The following NETO2 variants were observed in gnomAD, a reference collection of about 807,000 sequenced individuals.
NETO2 encodes neuropilin and tolloid like 2, also known as neuropilin and tolloid-like protein 2.
In NETO2, 28 loss-of-function variants were observed where a neutral mutation model predicts 62.5. That is an observed-to-expected ratio of 0.45 (90% CI 0.33 to 0.61). The LOEUF is 0.61. NETO2 is among the 20% of genes least tolerant of loss of function. NETO2 has a pLI of 0.02. For missense variants in NETO2, 548 were observed against 643.2 expected, an observed-to-expected ratio of 0.85 and a Z score of 1.60; for synonymous variants, 214 against 219.1, an observed-to-expected ratio of 0.98 and a Z score of 0.21.
intron 1 of NETO2, among the ~76,000 whole-genome samples, chr16:47,142,302 G>A (rs1463640333): frequency 6.6e-6 from 1 of 152,136 alleles, no homozygotes; most frequent in Non-Finnish European, 1.5e-5. Flanking sequence ...AAAGTCCTAG[G>A]TTACCTTAGT....
chr16:47,109,758 T>C, intron 6 of NETO2, 47 bp from the exon 7 acceptor site: 1 of 1,366,140 alleles, frequency 7.3e-7, no homozygotes, highest in Non-Finnish European at 1.0e-6. Flanking sequence ...ATATATTAAT[T>C]TGAATTTTTC....
chr16:47,105,047 TA>T (rs1963643026), intron 7 of NETO2, among the ~76,000 whole-genome samples: 1 of 151,684 alleles, frequency 6.6e-6, no homozygotes, highest in African/African-American at 2.4e-5. Context: ...TTTACTTTTT[TA>T]AAGAAAAATA....
Position 47,131,904 on chromosome 16 carries a change from A to G in NETO2, c.91+65T>C. 5 of 1,353,314 alleles carry G rather than the reference A, an allele frequency of 3.7e-6. No homozygotes were observed. In the South Asian group the frequency reaches 5.9e-5, roughly 16 times the overall value. The allele number at this position is 1,353,314 out of a possible 1,614,324, so 83.8% of individuals were successfully genotyped here. A position where few individuals can be genotyped will look rare whatever the true frequency, so the allele number is the denominator to read the frequency against. ...ATGAAAATAGTACCCAAAAGTTGCA[A>G]TCCTTTCAAATAAGCCAGTCCATTG... On this transcript the variant is annotated intron_variant, in intron 2 of 8. Transcript: ENST00000562435.
intron 6 of NETO2, among the ~76,000 whole-genome samples, chr16:47,118,448 T>TCTAGTTCCTC (rs1963966956): frequency 6.6e-6 from 1 of 152,184 alleles, no homozygotes; most frequent in South Asian, 2.1e-4. Context: ...GTCTCCTCTA[T>TCTAGTTCCTC]CTAGTTCCTC....
chr16:47,081,541 A>G lies in NETO2; in HGVS notation c.*1680T>C, dbSNP rs1963060822. 1 of 152,614 alleles carries G rather than the reference A, an allele frequency of 6.6e-6. No homozygotes were observed. Among genetic ancestry groups the G allele is most frequent in the Non-Finnish European group, 1.5e-5 (1 of 67,992 alleles). 9.5% of individuals were successfully genotyped at this position (152,614 alleles called of 1,614,324 possible). On this transcript the variant is annotated 3_prime_UTR_variant, in exon 9 of 9. Transcript: ENST00000562435. ...ATACAAGAAAGCACTCTGAGGCAGTATATGTGTATTAAATTTAAGGTCACA... is the reference window on the plus strand; with the variant it reads ...ATACAAGAAAGCACTCTGAGGCAGTGTATGTGTATTAAATTTAAGGTCACA...
chr16:47,125,946 C>T (rs1964148867), intron 4 of NETO2, among the ~76,000 whole-genome samples: 1 of 152,134 alleles, frequency 6.6e-6, no homozygotes, highest in East Asian at 1.9e-4. Flanking sequence ...AATTTTTAAT[C>T]ATCCCAAGCT....
intron 7 of NETO2, among the ~76,000 whole-genome samples, chr16:47,095,717 G>A (rs1042955791): frequency 6.6e-6 from 1 of 152,084 alleles, no homozygotes; most frequent in Non-Finnish European, 1.5e-5. Context: ...ATAGTAATTG[G>A]AGACTTCAAC....
At chr16:47,103,859 A>G (rs1158885859) in intron 7 of NETO2, among the ~76,000 whole-genome samples, 1 of 152,200 alleles carries the variant, frequency 6.6e-6, no homozygotes, top group Admixed American at 6.5e-5. Context: ...TCAATTAACT[A>G]TGAATAGAAA....
At chr16:47,135,864 A>T (rs1040354718) in intron 1 of NETO2, among the ~76,000 whole-genome samples, 5 of 152,206 alleles carry the variant, frequency 3.3e-5, no homozygotes, top group Admixed American at 2.6e-4. Flanking sequence ...ATAGATTTCA[A>T]TGTTATTGAA....
At chr16:47,128,083 A>C (rs1484105627) in intron 4 of NETO2, among the ~76,000 whole-genome samples, 2 of 152,244 alleles carry the variant, frequency 1.3e-5, no homozygotes, top group Non-Finnish European at 2.9e-5. Context: ...TAAGACAGAA[A>C]AAAATCTAAG....
intron 1 of NETO2, among the ~76,000 whole-genome samples, chr16:47,132,670 T>C (rs1964288735): frequency 1.3e-5 from 2 of 152,160 alleles, no homozygotes; most frequent in Admixed American, 6.5e-5. Context: ...TAAAGAAACA[T>C]TTTCATGGAT....
intron 7 of NETO2, among the ~76,000 whole-genome samples, chr16:47,105,028 T>C (rs1485037016): frequency 1.3e-5 from 2 of 152,008 alleles, no homozygotes; most frequent in African/African-American, 2.4e-5. Flanking sequence ...CCTTTTTTTT[T>C]TTCTTTTTTT....
chr16:47,123,825 G>A (rs1465547467), intron 4 of NETO2, among the ~76,000 whole-genome samples: 1 of 152,134 alleles, frequency 6.6e-6, no homozygotes, highest in African/African-American at 2.4e-5. Flanking sequence ...AGCCTCCCGA[G>A]TAGCTGGGAT....
intron 7 of NETO2, among the ~76,000 whole-genome samples, chr16:47,104,874 C>G (rs1963637254): frequency 6.6e-6 from 1 of 151,864 alleles, no homozygotes; most frequent in South Asian, 2.1e-4. Context: ...CGTGTGCCAC[C>G]ACGCCTGGCT....
chr16:47,099,020 T>A (rs1025332400), intron 7 of NETO2, among the ~76,000 whole-genome samples: 8 of 152,106 alleles, frequency 5.3e-5, no homozygotes, highest in South Asian at 4.2e-4. Flanking sequence ...CCACCACACC[T>A]GGGTAATTTT....
At chr16:47,084,432 G>A (rs1258894467) in intron 8 of NETO2, among the ~76,000 whole-genome samples, 1 of 152,214 alleles carries the variant, frequency 6.6e-6, no homozygotes, top group African/African-American at 2.4e-5. Context: ...GTGAGCGAGT[G>A]AAGCTGCATC....
chr16:47,118,091 C>A (rs1963957631), intron 6 of NETO2, among the ~76,000 whole-genome samples: 1 of 152,060 alleles, frequency 6.6e-6, no homozygotes, highest in East Asian at 1.9e-4. Context: ...TGCTGTGTGA[C>A]TTGGATCCTG....
At chr16:47,090,249 ATTAT>A (rs1963284832) in intron 7 of NETO2, among the ~76,000 whole-genome samples, 1 of 152,140 alleles carries the variant, frequency 6.6e-6, no homozygotes, top group Non-Finnish European at 1.5e-5. Flanking sequence ...TGCTCTCCAT[ATTAT>A]TTAAAGTGAT....
At chr16:47,101,741 C>G (rs1031271835) in intron 7 of NETO2, among the ~76,000 whole-genome samples, 8 of 152,112 alleles carry the variant, frequency 5.3e-5, no homozygotes, top group Admixed American at 2.0e-4. Context: ...TGAAGGACCA[C>G]TTCAAGGAGA....
Sources: gnomAD v4.1 joint callset for allele counts (sites outside exome capture counted in the v4.1 genomes callset) on GRCh38, gnomAD v4.1.1 for gene constraint, MANE v1.5 for transcripts, NCBI Gene and HGNC (gene_info 2026-07-23, HGNC 2026-07-21) for gene names.